Variants in APAF1 observed in about 807,000 individuals in gnomAD.
APAF1 encodes the protein apoptotic protease-activating factor 1.
A neutral mutation model predicts 152.4 loss-of-function variants in APAF1; 91 were observed. The observed-to-expected ratio is 0.60, with a 90% CI of 0.50 to 0.71. The LOEUF (loss-of-function observed/expected upper bound fraction) is 0.71, where lower values mean the gene tolerates loss of function less well. Ranked by LOEUF, APAF1 falls within the 30% of genes least tolerant of loss-of-function variation. The probability of loss-of-function intolerance (pLI) is 0.00; values close to 1 mark genes in which losing one functional copy is unlikely to be tolerated. For synonymous variants in APAF1, 484 were observed against 494.1 expected, an observed-to-expected ratio of 0.98 and a Z score of 0.27; for missense variants, 1,283 against 1,472.0, an observed-to-expected ratio of 0.87 and a Z score of 2.10.
intron 26 of APAF1, 144 bp from the exon 27 acceptor site, chr12:98,732,276 T>G: frequency 1.4e-6 from 1 of 732,890 alleles, no homozygotes; most frequent in Non-Finnish European, 2.4e-6. Flanking sequence ...GAATAGTATA[T>G]TCAGCATTAA....
At position 98,681,242 on chromosome 12, in the gene APAF1, G is replaced by A. The variant is rs201251553; in HGVS notation, c.2046+840G>A. On this transcript the variant is annotated intron_variant, in intron 14 of 26. Transcript: ENST00000551964. ...ATGCCCAGCTAATTTTTGTAGTTTT[G>A]GTAGAGACAGAGTTTTGCCATGTTG... is the stretch of plus-strand genomic sequence containing the variant. Among the ~76,000 whole-genome samples, 5 of 152,106 alleles carry A rather than the reference G, an allele frequency of 3.3e-5. No individual in the cohort carries two copies. The East Asian group carries it at 9.7e-4, about 29-fold the overall frequency.
At chr12:98,686,987 C>T in intron 16 of APAF1, 114 bp downstream of exon 16, 2 of 1,075,390 alleles carry the variant, frequency 1.9e-6, no homozygotes, top group Non-Finnish European at 2.8e-6. Context: ...CTGCTTCTTT[C>T]AATTTCCAGG....
intron 16 of APAF1, among the ~76,000 whole-genome samples, chr12:98,695,219 A>C (rs956155196): frequency 6.6e-6 from 1 of 151,718 alleles, no homozygotes; most frequent in African/African-American, 2.4e-5. Flanking sequence ...CACCTGGCTC[A>C]TTTTTGTGTT....
chr12:98,730,776 G>A (rs1184073648), intron 26 of APAF1, among the ~76,000 whole-genome samples: 2 of 152,134 alleles, frequency 1.3e-5, no homozygotes, highest in African/African-American at 2.4e-5. Context: ...GGCCTTTTGA[G>A]CCTGTTTACT....
intron 10 of APAF1, among the ~76,000 whole-genome samples, chr12:98,670,653 A>G (rs948967414): frequency 6.6e-6 from 1 of 151,678 alleles, no homozygotes. Flanking sequence ...TTTTTGTTTG[A>G]TATTTTGCTT....
At chr12:98,683,298 G>A (rs781127726) in intron 15 of APAF1, 24 bp downstream of exon 15, 9 of 1,611,798 alleles carry the variant, frequency 5.6e-6, no homozygotes, top group South Asian at 4.4e-5. Context: ...TTGAGAATTA[G>A]GTAGATAAAT....
intron 16 of APAF1, among the ~76,000 whole-genome samples, chr12:98,699,018 A>C (rs2097712499): frequency 6.6e-6 from 1 of 152,118 alleles, no homozygotes; most frequent in Non-Finnish European, 1.5e-5. Flanking sequence ...CCTGCTGTGC[A>C]TGTGGTAGGT....
chr12:98,694,877 A>AT (rs200521786), intron 16 of APAF1, among the ~76,000 whole-genome samples: 9,011 of 133,884 alleles, frequency 0.067, 450 homozygotes, highest in African/African-American at 0.14. Context: ...ATCATGAACA[A>AT]TTTTTTTTTT....
intron 22 of APAF1, among the ~76,000 whole-genome samples, chr12:98,719,662 T>C (rs1441343106): frequency 1.3e-5 from 2 of 152,008 alleles, no homozygotes; most frequent in Non-Finnish European, 2.9e-5. Context: ...ACTTTTGACT[T>C]TTTATAATGC....
intron 22 of APAF1, among the ~76,000 whole-genome samples, chr12:98,716,410 G>A (rs183902207): frequency 4.4e-4 from 67 of 152,292 alleles, no homozygotes; most frequent in African/African-American, 1.6e-3. Context: ...TGTACTAAGG[G>A]TACTGTGAAT....
At chr12:98,665,279 T>TATATATATATATATATATATATATA (rs1491328899) in intron 7 of APAF1, among the ~76,000 whole-genome samples, 111 of 65,506 alleles carry the variant, frequency 1.7e-3, no homozygotes, top group Non-Finnish European at 2.4e-3. Context: ...TATATATATA[T>TATATATATATATATATATATATATA]TTTTTTTTTT....
chr12:98,678,800 C>T (rs1190032305), intron 13 of APAF1, among the ~76,000 whole-genome samples: 2 of 152,236 alleles, frequency 1.3e-5, no homozygotes, highest in Non-Finnish European at 2.9e-5. Flanking sequence ...GCCAGATGTG[C>T]ACATGCTTGG....
intron 16 of APAF1, among the ~76,000 whole-genome samples, chr12:98,696,450 G>T (rs1240531327): frequency 6.6e-6 from 1 of 152,174 alleles, no homozygotes; most frequent in African/African-American, 2.4e-5. Context: ...CCACCCCCAT[G>T]ACCCAGACAC....
Position 98,718,530 on chromosome 12 carries a change from CCTT to C in APAF1, c.3084+2982_3084+2984del, listed in dbSNP as rs1041814136. Among the ~76,000 whole-genome samples, 63 of 152,260 alleles carry C rather than the reference CCTT, an allele frequency of 4.1e-4. 1 individual carries two copies. The highest frequency in any genetic ancestry group is 1.4e-3 in the African/African-American group (60 of 41,554). ...TACAGGTGTGAGCCACCGTGCCCGG[CCTT>C]CTTTTTTATGTAAAATCAAGTTTCC... On this transcript the variant is annotated intron_variant, in intron 22 of 26. Coordinates refer to ENST00000551964, the MANE Select transcript of APAF1 (RefSeq NM_181861.2).
intron 10 of APAF1, among the ~76,000 whole-genome samples, chr12:98,669,443 A>G (rs1393899913): frequency 2.6e-5 from 4 of 152,194 alleles, no homozygotes; most frequent in Non-Finnish European, 4.4e-5. Context: ...GCTCTTGTGT[A>G]TAGTTTTCTA....
At chr12:98,705,137 T>A (rs917291190) in intron 18 of APAF1, among the ~76,000 whole-genome samples, 6 of 152,036 alleles carry the variant, frequency 3.9e-5, no homozygotes, top group Non-Finnish European at 7.4e-5. Context: ...TTGTTAGGAT[T>A]TTTAGAAACA....
intron 16 of APAF1, among the ~76,000 whole-genome samples, chr12:98,688,492 G>A (rs1356951532): frequency 7.8e-6 from 1 of 127,452 alleles, no homozygotes; most frequent in Non-Finnish European, 1.6e-5. Flanking sequence ...TTTTTTTGGA[G>A]ACAGAGTCTC....
At chr12:98,677,775 C>G (rs2097688139) in intron 13 of APAF1, among the ~76,000 whole-genome samples, 1 of 152,188 alleles carries the variant, frequency 6.6e-6, no homozygotes, top group Non-Finnish European at 1.5e-5. Flanking sequence ...GCCCTTTACC[C>G]TGCCAGTCAG....
At chr12:98,659,410 C>G in intron 5 of APAF1, 67 bp downstream of exon 5, 1 of 1,495,042 alleles carries the variant, frequency 6.7e-7, no homozygotes, top group South Asian at 1.1e-5. Flanking sequence ...CTACTGACCT[C>G]TTGAGAACAT....
Sources: gnomAD v4.1 joint callset for allele counts (sites outside exome capture counted in the v4.1 genomes callset) on GRCh38, gnomAD v4.1.1 for gene constraint, MANE v1.5 for transcripts, NCBI Gene and HGNC (gene_info 2026-07-23, HGNC 2026-07-21) for gene names.